The following ITSN2 variants were observed in gnomAD, a reference collection of about 807,000 sequenced individuals.
The protein encoded by ITSN2 is intersectin 2, also known as intersectin-2.
A neutral mutation model predicts 243.7 loss-of-function variants in ITSN2; 156 were observed. The ratio of observed to expected loss-of-function variants is 0.64; its 90% CI spans 0.56 to 0.73. The LOEUF is 0.73. Among genes scored for constraint, ITSN2 ranks in the 30% least tolerant of loss-of-function variants. The pLI, the probability that ITSN2 is intolerant of heterozygous loss-of-function variation, is 0.00. For missense variants in ITSN2, 1,801 were observed against 1,996.1 expected, an observed-to-expected ratio of 0.90 and a Z score of 1.86; for synonymous variants, 703 against 699.9, an observed-to-expected ratio of 1.00 and a Z score of -0.07.
At chr2:24,205,368 A>C in intron 37 of ITSN2, 71 bp from the exon 38 acceptor site, 1 of 1,296,438 alleles carries the variant, frequency 7.7e-7, no homozygotes, top group Non-Finnish European at 1.1e-6. Flanking sequence ...CAAACCAACC[A>C]TAACACTACC....
chr2:24,317,288 G>A (rs1463055145), intron 2 of ITSN2, among the ~76,000 whole-genome samples: 3 of 151,920 alleles, frequency 2.0e-5, no homozygotes, highest in Non-Finnish European at 4.4e-5. Context: ...GGAGGCTGAG[G>A]CAAGAGGATC....
chr2:24,250,640 T>C (rs1391864065), intron 25 of ITSN2, among the ~76,000 whole-genome samples: 2 of 152,244 alleles, frequency 1.3e-5, no homozygotes, highest in Non-Finnish European at 2.9e-5. Context: ...AATTTTAATG[T>C]AACAGTAAGA....
At chr2:24,291,888 A>C (rs963385088) in intron 15 of ITSN2, among the ~76,000 whole-genome samples, 5 of 152,218 alleles carry the variant, frequency 3.3e-5, no homozygotes, top group African/African-American at 9.7e-5. Context: ...TAACTGGAAA[A>C]TAAGACAAAG....
intron 20 of ITSN2, among the ~76,000 whole-genome samples, chr2:24,266,863 G>C (rs1055577633): frequency 5.9e-5 from 9 of 151,934 alleles, no homozygotes; most frequent in Non-Finnish European, 1.2e-4. Flanking sequence ...CGTGAGCTCG[G>C]GTGGTCGAGG....
intron 29 of ITSN2, among the ~76,000 whole-genome samples, chr2:24,223,866 A>AG (rs1553344531): frequency 1.5e-4 from 2 of 13,470 alleles, no homozygotes; most frequent in African/African-American, 7.4e-4. Context: ...AAGAAAGGAA[A>AG]GAAAGAAAAA....
intron 29 of ITSN2, among the ~76,000 whole-genome samples, chr2:24,221,777 C>T (rs2151151579): frequency 1.3e-5 from 2 of 152,320 alleles, no homozygotes; most frequent in African/African-American, 4.8e-5. Flanking sequence ...CACAAGCAAC[C>T]TTGCATCAGG....
chr2:24,305,614 C>A (rs530249658), intron 8 of ITSN2, among the ~76,000 whole-genome samples: 74 of 150,162 alleles, frequency 4.9e-4, no homozygotes, highest in Non-Finnish European at 8.4e-4. Context: ...ATCACCAACT[C>A]CTACACTTAT....
At chr2:24,280,677 T>C (rs768877220) in intron 17 of ITSN2, among the ~76,000 whole-genome samples, 5 of 152,196 alleles carry the variant, frequency 3.3e-5, no homozygotes, top group Non-Finnish European at 7.3e-5. Flanking sequence ...AGATGGTTAT[T>C]TCCCCCTCAC....
At chr2:24,329,113 C>T (rs950595877) in intron 1 of ITSN2, among the ~76,000 whole-genome samples, 11 of 152,152 alleles carry the variant, frequency 7.2e-5, no homozygotes, top group African/African-American at 2.4e-4. Flanking sequence ...AACTGCCTGC[C>T]ACATAGGGTG....
chr2:24,275,832 G>T lies in ITSN2; in HGVS notation c.1962C>A (p.Tyr654Ter). The T allele has an allele frequency of 6.2e-7, 1 of 1,606,064 alleles. No individual in the cohort carries two copies. The part of the protein sequence containing the change: ...FLLLKELRET[Y>*]NTQQLALEQL... The stretch of plus-strand genomic sequence containing the variant: ...GTTCAAGGGCTAACTGCTGTGTGTT[G>T]TAGGTTTCTCTCAGTTCCTAAGGAG... The change falls in exon 18 of 40, where the codon TAC (tyrosine) becomes TAA (stop). Residue 654 changes from tyrosine to a stop codon, truncating the protein, a stop_gained. Transcript: ENST00000355123. LOFTEE classifies it high-confidence loss of function.
At chr2:24,299,863 A>G in intron 12 of ITSN2, 46 bp downstream of exon 12, 1 of 1,468,370 alleles carries the variant, frequency 6.8e-7, no homozygotes, top group Non-Finnish European at 9.3e-7. Context: ...ATAGTCACTT[A>G]TTAAATGTAA....
At chr2:24,288,176 C>G (rs1025148151) in intron 15 of ITSN2, among the ~76,000 whole-genome samples, 3 of 151,994 alleles carry the variant, frequency 2.0e-5, no homozygotes, top group African/African-American at 7.2e-5. Flanking sequence ...TATGTTTAAT[C>G]CATTTTGAGC....
intron 8 of ITSN2, among the ~76,000 whole-genome samples, chr2:24,307,981 T>C (rs753606629): frequency 3.9e-5 from 6 of 152,206 alleles, no homozygotes; most frequent in Non-Finnish European, 5.9e-5. Flanking sequence ...TTTTAAACAC[T>C]TATTTTACTC....
At chr2:24,293,600 CTTTT>C (rs772598423) in intron 15 of ITSN2, 84 bp downstream of exon 15, 1 of 543,544 alleles carries the variant, frequency 1.8e-6, no homozygotes, top group South Asian at 2.7e-5. Context: ...TAACAGAATA[CTTTT>C]TTTAATTTTA....
chr2:24,233,910 C>T (rs1263826522), intron 29 of ITSN2, among the ~76,000 whole-genome samples: 3 of 152,130 alleles, frequency 2.0e-5, no homozygotes, highest in Non-Finnish European at 4.4e-5. Context: ...AAACATCTCT[C>T]TTAAGAATGT....
chr2:24,339,032 G>A (rs1045333058), intron 1 of ITSN2, among the ~76,000 whole-genome samples: 1 of 152,144 alleles, frequency 6.6e-6, no homozygotes, highest in Admixed American at 6.5e-5. Context: ...ATAGTGTGCA[G>A]ATAGGCTCTG....
chr2:24,346,520 C>A (rs1011046096), intron 1 of ITSN2, among the ~76,000 whole-genome samples: 1 of 152,016 alleles, frequency 6.6e-6, no homozygotes. Flanking sequence ...TGGAACAGAA[C>A]AAGGATATTA....
chr2:24,290,746 C>T (rs923326646), intron 15 of ITSN2, among the ~76,000 whole-genome samples: 5 of 152,278 alleles, frequency 3.3e-5, no homozygotes, highest in African/African-American at 4.8e-5. Flanking sequence ...ATGTTAAGTG[C>T]CAACTTTATC....
chr2:24,337,317 T>TATATATATATACAC (rs1458390309), intron 1 of ITSN2, among the ~76,000 whole-genome samples: 5 of 49,172 alleles, frequency 1.0e-4, no homozygotes, highest in Admixed American at 9.9e-4. Context: ...ATACACAAAA[T>TATATATATATACAC]ATATATATAT....
Sources: allele counts gnomAD v4.1 joint callset (sites outside exome capture counted in the v4.1 genomes callset), GRCh38; gene constraint gnomAD v4.1.1; transcripts MANE v1.5; gene names NCBI Gene and HGNC (gene_info 2026-07-23, HGNC 2026-07-21).